Variants in MYO16 observed in about 807,000 individuals in gnomAD.
The protein encoded by MYO16 is unconventional myosin-XVI.
Under a neutral mutation model 205.3 loss-of-function variants are expected in MYO16, and 94 were observed. The ratio of observed to expected loss-of-function variants is 0.46; its 90% confidence interval spans 0.39 to 0.54. The LOEUF (loss-of-function observed/expected upper bound fraction) is 0.54, where lower values mean the gene tolerates loss of function less well. Among genes scored for constraint, MYO16 ranks in the 20% least tolerant of loss-of-function variants. The probability of loss-of-function intolerance (pLI) is 0.00; values close to 1 mark genes in which losing one functional copy is unlikely to be tolerated. For synonymous variants in MYO16, 988 were observed against 954.0 expected (o/e 1.04, Z -0.66); for missense variants, 2,315 against 2,387.5 (o/e 0.97, Z 0.63).
the MYO16 span, among the ~76,000 whole-genome samples, chr13:108,552,646 A>C: frequency 0.054 from 8,257 of 152,264 alleles, 336 homozygotes; most frequent in Middle Eastern, 0.13. Flanking sequence ...GAGTATCATC[A>C]AATTTATACG....
intron 4 of MYO16, among the ~76,000 whole-genome samples, chr13:108,747,707 T>C (rs1240651354): frequency 6.6e-6 from 1 of 152,098 alleles, no homozygotes; most frequent in African/African-American, 2.4e-5. Flanking sequence ...AATTGAGTAG[T>C]CTAAACACAC....
intron 34 of MYO16, chr13:109,201,318 C>T (rs1259023676): frequency 6.6e-6 from 1 of 151,864 alleles, no homozygotes; most frequent in Non-Finnish European, 1.5e-5. Flanking sequence ...CTACTTAATC[C>T]CAATAACAAG....
intron 25 of MYO16, among the ~76,000 whole-genome samples, chr13:109,053,457 C>T (rs1441182128): frequency 6.6e-6 from 1 of 151,826 alleles, no homozygotes; most frequent in Non-Finnish European, 1.5e-5. Flanking sequence ...AAAAAGAACC[C>T]AAGCTTATCC....
At chr13:108,783,088 C>A (rs1029070243) in intron 4 of MYO16, among the ~76,000 whole-genome samples, 4 of 152,074 alleles carry the variant, frequency 2.6e-5, no homozygotes, top group African/African-American at 9.7e-5. Context: ...ATGGTAGGTC[C>A]ACTGACAGCT....
At chr13:109,121,617 A>C (rs1336178853) in intron 29 of MYO16, among the ~76,000 whole-genome samples, 1 of 152,222 alleles carries the variant, frequency 6.6e-6, no homozygotes, top group African/African-American at 2.4e-5. Context: ...ACAAACTCTT[A>C]GATGGCTTCC....
At chr13:108,923,869 A>G (rs1241113343) in intron 16 of MYO16, among the ~76,000 whole-genome samples, 1 of 152,228 alleles carries the variant, frequency 6.6e-6, no homozygotes, top group Non-Finnish European at 1.5e-5. Context: ...TTCTTAGATC[A>G]GCATTTTTTC....
upstream of MYO16, among the ~76,000 whole-genome samples, chr13:108,595,705 T>A (rs1347755100): frequency 6.6e-6 from 1 of 152,072 alleles, no homozygotes. Context: ...ATAACGCTGC[T>A]GATCTTCACG....
intron 21 of MYO16, among the ~76,000 whole-genome samples, chr13:108,997,290 C>CAGAA (rs1200455422): frequency 1.0e-3 from 86 of 82,920 alleles, no homozygotes; most frequent in African/African-American, 4.0e-3. Flanking sequence ...CAAGACCATG[C>CAGAA]AGAAAGAAAG....
the MYO16 span, among the ~76,000 whole-genome samples, chr13:108,505,460 G>A: frequency 5.3e-5 from 8 of 151,924 alleles, no homozygotes; most frequent in East Asian, 1.9e-4. Flanking sequence ...CTTTTTGTTC[G>A]TTTGTATATC....
Position 109,019,765 on chromosome 13 carries a change from G to A in MYO16, c.2650G>A (p.Val884Met). 1 of 1,614,108 alleles carries A rather than the reference G, an allele frequency of 6.2e-7. No homozygotes were observed. Residue 884 changes from valine to methionine, a missense_variant, in exon 23 of 35, where the codon GTG (valine) becomes ATG (methionine). Physicochemically the swap from Val to Met is conservative, Grantham distance 21 (BLOSUM62 1). Around this residue, in one of 3 missense-constraint regions of MYO16, gnomAD observed 1,213 missense variants for 1,274.4 expected, o/e 0.95. Transcript: ENST00000457511. ...LDEESQMIWS[V>M]ESNFPKKLQS... ...TGAAGAAAGTCAAATGATTTGGTCA[G>A]TGGAATCAAATTTTCCAAAAAAACT... is the stretch of plus-strand genomic sequence containing the variant.
At chr13:108,636,477 T>A (rs1880257640) in intron 1 of MYO16, among the ~76,000 whole-genome samples, 1 of 148,838 alleles carries the variant, frequency 6.7e-6, no homozygotes. Context: ...CCGCCCAGGT[T>A]CGAGCAATTC....
At chr13:109,060,697 A>G (rs534109085) in intron 27 of MYO16, among the ~76,000 whole-genome samples, 9 of 152,296 alleles carry the variant, frequency 5.9e-5, no homozygotes, top group Admixed American at 3.3e-4. Context: ...TTGTTATTCC[A>G]TTTATATAGC....
intron 28 of MYO16, among the ~76,000 whole-genome samples, chr13:109,103,315 G>C (rs1889027801): frequency 6.6e-6 from 1 of 152,108 alleles, no homozygotes; most frequent in African/African-American, 2.4e-5. Context: ...AAGCTGTTAG[G>C]CTGCAGGGAC....
rs1886688998 is a variant in MYO16 at position 108,793,566 on chromosome 13, A to G, written c.667A>G (p.Met223Val). The G allele has an allele frequency of 1.2e-6, 2 of 1,613,638 alleles. No individual in the cohort carries two copies. Among genetic ancestry groups the G allele is most frequent in the Non-Finnish European group, 1.7e-6 (2 of 1,179,562 alleles). Residue 223 changes from methionine to valine, a missense_variant, in exon 6 of 35, where the codon ATG becomes GTG. This residue lies in a region of MYO16 where 1,213 missense variants were observed against 1,274.4 expected (regional missense o/e 0.95). Transcript: ENST00000457511. ...RQMKLQRPMS[M>V]LTDVKHFLSS... is the part of the protein sequence containing the mutation. Reference sequence around the variant, plus strand: ...GATGAAGCTTCAGAGACCAATGAGTATGTTAACAGATGTCAAACACTTCTT... The same window carrying G: ...GATGAAGCTTCAGAGACCAATGAGTGTGTTAACAGATGTCAAACACTTCTT...
the MYO16 span, among the ~76,000 whole-genome samples, chr13:108,589,827 A>G: frequency 3.3e-5 from 5 of 152,310 alleles, no homozygotes; most frequent in Non-Finnish European, 7.3e-5. Flanking sequence ...TAGTTCAAAA[A>G]CAGTTCGATT....
At chr13:108,814,986 A>C (rs1048360800) in intron 7 of MYO16, among the ~76,000 whole-genome samples, 3 of 152,230 alleles carry the variant, frequency 2.0e-5, no homozygotes, top group South Asian at 2.1e-4. Flanking sequence ...AGGATAATGA[A>C]AATAGCAAAG....
At chr13:109,148,679 A>ATG (rs1877475259) in intron 32 of MYO16, among the ~76,000 whole-genome samples, 1 of 152,192 alleles carries the variant, frequency 6.6e-6, no homozygotes, top group African/African-American at 2.4e-5. Context: ...GAGGCTTCAT[A>ATG]AGCTTTATCG....
chr13:108,962,811 C>T (rs1261028290), intron 19 of MYO16, among the ~76,000 whole-genome samples: 1 of 152,204 alleles, frequency 6.6e-6, no homozygotes, highest in Non-Finnish European at 1.5e-5. Flanking sequence ...CTGCACTCTT[C>T]AATGAAGGAC....
At chr13:108,617,477 AG>A (rs768009391) in intron 1 of MYO16, among the ~76,000 whole-genome samples, 4 of 152,250 alleles carry the variant, frequency 2.6e-5, no homozygotes, top group Admixed American at 2.0e-4. Flanking sequence ...ATACCTGAGT[AG>A]TTTTACTCCT....
Sources: gnomAD v4.1 joint callset for allele counts (sites outside exome capture counted in the v4.1 genomes callset) on GRCh38, gnomAD v4.1.1 for gene constraint, gnomAD v4.1.1 regional missense constraint, MANE v1.5 for transcripts, NCBI Gene and HGNC (gene_info 2026-07-23, HGNC 2026-07-21) for gene names.